The following ZNF248 variants were observed in gnomAD, a reference collection of about 807,000 sequenced individuals.
ZNF248 encodes the protein KRAB protein domain.
In ZNF248, 20 loss-of-function variants were observed where a neutral mutation model predicts 44.3. The ratio of observed to expected loss-of-function variants is 0.45; its 90% CI spans 0.32 to 0.66. The LOEUF (loss-of-function observed/expected upper bound fraction) is 0.66, where lower values mean the gene tolerates loss of function less well. ZNF248 is among the 30% of genes least tolerant of loss of function. ZNF248 has a pLI of 0.04. For missense variants in ZNF248, 654 were observed against 677.0 expected, an observed-to-expected ratio of 0.97 and a Z score of 0.38; for synonymous variants, 224 against 229.0, an observed-to-expected ratio of 0.98 and a Z score of 0.20.
At chr10:37,833,988 A>C (rs1339475861) in intron 5 of ZNF248, among the ~76,000 whole-genome samples, 1 of 152,102 alleles carries the variant, frequency 6.6e-6, no homozygotes, top group Admixed American at 6.6e-5. Context: ...ATGCAAATCT[A>C]TTGAAAATAT....
intron 3 of ZNF248, among the ~76,000 whole-genome samples, chr10:37,843,440 GA>G (rs796388341): frequency 0.011 from 1,595 of 145,902 alleles, 32 homozygotes; most frequent in African/African-American, 0.037. Flanking sequence ...AAAAAAAAAA[GA>G]AAAAAAGAAA....
the ZNF248 span, among the ~76,000 whole-genome samples, chr10:37,760,968 C>T: frequency 6.6e-6 from 1 of 152,158 alleles, no homozygotes; most frequent in Non-Finnish European, 1.5e-5. Context: ...AATAATGAAA[C>T]CACAAGAACG....
In ZNF248 at chr10:37,788,262, T is replaced by TAAA. The variant is rs59927437; in HGVS notation, c.331-11690_331-11688dup. Among the ~76,000 whole-genome samples, 15 of 110,320 alleles carry TAAA rather than the reference T, an allele frequency of 1.4e-4. No individual in the cohort carries two copies. The South Asian group carries it at 3.9e-3, about 28-fold the overall frequency. 72.4% of individuals were successfully genotyped at this position (110,320 alleles called of 152,430 possible). On this transcript the variant is annotated intron_variant, in intron 6 of 6. Coordinates refer to the ZNF248 transcript ENST00000615949. ...CCTGGGCAACAGTGAGACTCCATCTTAAAAAAAAAAAAAAAAAAAGAAAAC... is the reference window on the plus strand; with the variant it reads ...CCTGGGCAACAGTGAGACTCCATCTTAAAAAAAAAAAAAAAAAAAAAAGAAAAC...
intron 3 of ZNF248, among the ~76,000 whole-genome samples, chr10:37,845,108 C>T (rs1007091237): frequency 2.8e-5 from 4 of 141,994 alleles, no homozygotes; most frequent in African/African-American, 1.1e-4. Flanking sequence ...CTCTGCCTCC[C>T]AGAGGCTGGC....
intron 6 of ZNF248, chr10:37,783,823 TTTTTC>T (rs1406966960): frequency 6.6e-6 from 1 of 152,208 alleles, no homozygotes; most frequent in Admixed American, 6.5e-5. Context: ...CAAAGAGACT[TTTTTC>T]TTTTAAGACA....
chr10:37,829,651 T>C lies in ZNF248; in HGVS notation c.*1964A>G, dbSNP rs925615495. On this transcript the variant is annotated 3_prime_UTR_variant, in exon 6 of 6. Coordinates refer to ENST00000395867, the MANE Select transcript of ZNF248 (RefSeq NM_021045.3). The stretch of plus-strand genomic sequence containing the variant: ...CGGCAACGTCACCTCTGAGCTGGCT[T>C]TTCCCACCTTGTGCACTGTTATCTT... 6.1e-6 allele frequency: 6 copies of C among 985,250 alleles called. No homozygotes were observed. Among genetic ancestry groups the C allele is most frequent in the African/African-American group, 3.5e-5 (2 of 57,202 alleles). The allele number at this position is 985,250 out of a possible 1,614,324, so 61.0% of individuals were successfully genotyped here. A position where few individuals can be genotyped will look rare whatever the true frequency, so the allele number is the denominator to read the frequency against.
At chr10:37,848,043 G>C (rs1305393198) in intron 3 of ZNF248, among the ~76,000 whole-genome samples, 1 of 152,080 alleles carries the variant, frequency 6.6e-6, no homozygotes, top group Admixed American at 6.6e-5. Context: ...GGCCAAGGTG[G>C]GTGAATCACC....
chr10:37,843,628 C>T (rs191919504), intron 3 of ZNF248, among the ~76,000 whole-genome samples: 1 of 151,974 alleles, frequency 6.6e-6, no homozygotes, highest in African/African-American at 2.4e-5. Flanking sequence ...ACTTACTAAA[C>T]AAAGATTTTA....
rs1034323749 is a variant in ZNF248, at chr10:37,830,330, T to C, written c.*1285A>G. The C allele has an allele frequency of 1.0e-6, 1 of 985,330 alleles. No individual in the cohort carries two copies. The highest frequency in any genetic ancestry group is 1.2e-6 in the Non-Finnish European group (1 of 829,896). The allele number at this position is 985,330 out of a possible 1,614,324, so 61.0% of individuals were successfully genotyped here. ...TGAAGTGATAGTTCAATAATGGCCA[T>C]ATTCATGCATATATGCCAGGAAACA... On this transcript the variant is annotated 3_prime_UTR_variant, in exon 6 of 6. Coordinates refer to ENST00000395867, the MANE Select transcript of ZNF248 (RefSeq NM_021045.3).
intron 6 of ZNF248, among the ~76,000 whole-genome samples, chr10:37,814,086 G>A (rs891864677): frequency 1.3e-5 from 2 of 152,026 alleles, no homozygotes; most frequent in Admixed American, 1.3e-4. Context: ...CAGCATTTTT[G>A]TCCCTCATTT....
intron 6 of ZNF248, among the ~76,000 whole-genome samples, chr10:37,815,344 A>C (rs2133484581): frequency 6.6e-6 from 1 of 152,174 alleles, no homozygotes; most frequent in East Asian, 1.9e-4. Flanking sequence ...GATTATAGTC[A>C]TAAGCCACCG....
chr10:37,795,311 T>C (rs2049022096), intron 6 of ZNF248: 1 of 152,178 alleles, frequency 6.6e-6, no homozygotes, highest in African/African-American at 2.4e-5. Flanking sequence ...ATGAACCATA[T>C]TCAAAGAGGC....
At position 37,806,302 on chromosome 10, in the gene ZNF248, G is replaced by C. The variant is rs749565793; in HGVS notation, c.330+26723C>G. On this transcript the variant is annotated intron_variant, in intron 6 of 6. Transcript: ENST00000615949. ...AATAGCTGCACCATTTTCCATAGCA[G>C]CTGTACCATTTTACATTCCTATCAA... 3.8e-4 allele frequency among the ~76,000 whole-genome samples: 58 copies of C among 152,138 alleles called. 1 individual carries two copies. The highest frequency in any genetic ancestry group is 1.8e-4 in the Non-Finnish European group (12 of 68,010).
At chr10:37,796,713 A>G (rs1267947193) in intron 6 of ZNF248, among the ~76,000 whole-genome samples, 3 of 151,424 alleles carry the variant, frequency 2.0e-5, no homozygotes, top group Non-Finnish European at 2.9e-5. Context: ...TTTTTTTGCA[A>G]AAAAAGTATT....
chr10:37,826,838 A>G (rs2054463247), downstream of ZNF248, among the ~76,000 whole-genome samples: 1 of 152,174 alleles, frequency 6.6e-6, no homozygotes, highest in Non-Finnish European at 1.5e-5. Context: ...TATTCTGACC[A>G]TATTTCTTGA....
At chr10:37,840,104 G>T (rs2058069065) in intron 3 of ZNF248, among the ~76,000 whole-genome samples, 1 of 152,086 alleles carries the variant, frequency 6.6e-6, no homozygotes, top group Non-Finnish European at 1.5e-5. Context: ...AGTCTCAAAA[G>T]AAATTTTTAA....
At chr10:37,790,324 T>A (rs2048354358) in intron 6 of ZNF248, among the ~76,000 whole-genome samples, 2 of 151,022 alleles carry the variant, frequency 1.3e-5, no homozygotes, top group African/African-American at 4.9e-5. Context: ...CTCATGCCTG[T>A]AATCCAGCAT....
At chr10:37,820,853 GTATT>G (rs2053348292) in intron 6 of ZNF248, 1 of 1,217,238 alleles carries the variant, frequency 8.2e-7, no homozygotes, top group Non-Finnish European at 1.2e-6. Context: ...TGTTTTGCAT[GTATT>G]TATTTCTTCT....
intron 5 of ZNF248, among the ~76,000 whole-genome samples, chr10:37,834,236 G>C (rs2056607680): frequency 6.6e-6 from 1 of 152,034 alleles, no homozygotes; most frequent in African/African-American, 2.4e-5. Context: ...CCATCTTTTA[G>C]AAGTTACTGT....
Sources: allele counts gnomAD v4.1 joint callset (sites outside exome capture counted in the v4.1 genomes callset), GRCh38; gene constraint gnomAD v4.1.1; transcripts MANE v1.5; gene names NCBI Gene and HGNC (gene_info 2026-07-23, HGNC 2026-07-21).